The following TOX4 variants were observed in gnomAD, a reference collection of about 807,000 sequenced individuals.
TOX4 encodes the protein epidermal Langerhans cell protein LCP1.
Under a neutral mutation model 61.0 loss-of-function variants are expected in TOX4, and 12 were observed. The ratio of observed to expected loss-of-function variants is 0.20; its 90% CI spans 0.13 to 0.32. The LOEUF is 0.32. Ranked by LOEUF, TOX4 falls within the 10% of genes least tolerant of loss-of-function variation. The pLI is 1.00. For missense variants in TOX4, 499 were observed against 753.3 expected (o/e 0.66, Z 3.95); for synonymous variants, 268 against 274.8 (o/e 0.98, Z 0.24).
At position 21,492,638 on chromosome 14, in the gene TOX4, T is replaced by C; in HGVS notation, c.1022T>C (p.Ile341Thr). Residue 341 changes from isoleucine to threonine, a missense_variant, in exon 7 of 9, where the codon ATT becomes ACT. By Grantham distance (89) the Ile-to-Thr change is moderately conservative. Coordinates refer to ENST00000448790, the MANE Select transcript of TOX4 (RefSeq NM_014828.4). ...SIEPPALSPS[I>T]VVNSTLSSYV... ...GAGCCCCCTGCCCTGTCCCCATCCA[T>C]TGTTGTTAACTCCACCCTTTCATCC... 2 of 1,613,792 alleles carry C rather than the reference T, an allele frequency of 1.2e-6. No homozygotes were observed. The highest frequency in any genetic ancestry group is 1.7e-6 in the Non-Finnish European group (2 of 1,180,020).
At position 21,492,902 on chromosome 14, in the gene TOX4, C is replaced by G. The variant is rs1187808630; in HGVS notation, c.1286C>G (p.Ala429Gly). ...VTRSVLQAAA[A>G]AAAAASMQLP... ...CGGTCAGTGTTGCAGGCAGCAGCAG[C>G]TGCTGCTGCTGCTGCTTCTATGCAA... is the stretch of plus-strand genomic sequence containing the variant. The change falls in exon 7 of 9, where the codon GCT becomes GGT. Residue 429 changes from alanine to glycine, a missense_variant. By Grantham distance (60) the Ala-to-Gly change is moderately conservative (BLOSUM62 0). Coordinates refer to ENST00000448790, the MANE Select transcript of TOX4 (RefSeq NM_014828.4). 4 of 1,599,508 alleles carry G rather than the reference C, an allele frequency of 2.5e-6. No individual in the cohort carries two copies. Among genetic ancestry groups the G allele is most frequent in the South Asian group, 1.1e-5 (1 of 89,358 alleles).
In TOX4 at chr14:21,492,704, C is replaced by A; in HGVS notation, c.1088C>A (p.Pro363His). The A allele has an allele frequency of 6.2e-7, 1 of 1,614,064 alleles. No individual in the cohort carries two copies. Among genetic ancestry groups the A allele is most frequent in the Non-Finnish European group, 8.5e-7 (1 of 1,180,006 alleles). The change falls in exon 7 of 9, where the codon CCC becomes CAC. Residue 363 changes from proline to histidine, a missense_variant. This residue lies in a region of TOX4 where 296 missense variants were observed against 404.7 expected (regional missense o/e 0.73). Coordinates refer to ENST00000448790, the MANE Select transcript of TOX4 (RefSeq NM_014828.4). ...GCATCTTCTGGAGCTGGGGGTCAGC[C>A]CAATATCACCAAGTTGATTATTACC... The part of the protein sequence containing the change: ...NQASSGAGGQ[P>H]NITKLIITKQ...
rs1163748949 is a variant in TOX4 at position 21,492,916 on chromosome 14, G to GCTT, written c.1303_1305dup (p.Ser435dup). 9 of 1,608,110 alleles carry GCTT rather than the reference G, an allele frequency of 5.6e-6. No individual in the cohort carries two copies. The East Asian group carries it at 6.7e-5, about 12-fold the overall frequency. The stretch of plus-strand genomic sequence containing the variant: ...GGCAGCAGCAGCTGCTGCTGCTGCT[G>GCTT]CTTCTATGCAACTGCCTCCACCCCG... On this transcript the variant is annotated inframe_insertion, in exon 7 of 9. Transcript: ENST00000448790.
chr14:21,488,870 A>T lies in TOX4; in HGVS notation c.579+20A>T. 1 of 1,611,774 alleles carries T rather than the reference A, an allele frequency of 6.2e-7. No homozygotes were observed. The highest frequency in any genetic ancestry group is 8.5e-7 in the Non-Finnish European group (1 of 1,178,086). On this transcript the variant is annotated intron_variant, in intron 4 of 8. Coordinates refer to ENST00000448790, the MANE Select transcript of TOX4 (RefSeq NM_014828.4). ...CGGAGGGTGAGGCATTCCCTGTCAA[A>T]ATCAATTCTGCTGTGATAGTCTGGG...
At chr14:21,487,801 T>C in intron 3 of TOX4, 108 bp downstream of exon 3, 1 of 1,327,346 alleles carries the variant, frequency 7.5e-7, no homozygotes, top group Non-Finnish European at 9.9e-7. Context: ...GTTTCTCTTC[T>C]TGTGGCTAAA....
rs1891321589 is a variant in TOX4, at chr14:21,492,861, A to T, written c.1245A>T (p.Gln415His). 1 of 1,613,290 alleles carries T rather than the reference A, an allele frequency of 6.2e-7. No homozygotes were observed. The highest frequency in any genetic ancestry group is 8.5e-7 in the Non-Finnish European group (1 of 1,179,736). The part of the protein sequence containing the change: ...TSTATIQPSQ[Q>H]AQIVTRSVLQ... ...CAGCTACTATCCAGCCCAGTCAACA[A>T]GCCCAGATTGTCACTCGGTCAGTGT... Residue 415 changes from glutamine to histidine, a missense_variant, in exon 7 of 9, where the codon CAA becomes CAT. Physicochemically the swap from Gln to His is conservative, Grantham distance 24 (BLOSUM62 0). Transcript: ENST00000448790.
At chr14:21,477,430 G>A in intron 1 of TOX4, 66 bp from the exon 2 acceptor site, 1 of 1,610,672 alleles carries the variant, frequency 6.2e-7, no homozygotes. Flanking sequence ...AGGGTCAAAA[G>A]CCATCGCTCC....
intron 2 of TOX4, among the ~76,000 whole-genome samples, chr14:21,483,872 ATCTT>A (rs1250510393): frequency 2.0e-5 from 3 of 151,786 alleles, no homozygotes; most frequent in African/African-American, 7.3e-5. Context: ...CAGTGATGTG[ATCTT>A]GGCTCACTGC....
intron 2 of TOX4, among the ~76,000 whole-genome samples, chr14:21,477,826 T>C (rs1193710765): frequency 6.6e-6 from 1 of 152,058 alleles, no homozygotes; most frequent in Non-Finnish European, 1.5e-5. Flanking sequence ...GAAGACAGAG[T>C]GGAATTGTCT....
At chr14:21,486,885 A>G (rs185894955) in intron 2 of TOX4, among the ~76,000 whole-genome samples, 3 of 152,340 alleles carry the variant, frequency 2.0e-5, no homozygotes, top group African/African-American at 7.2e-5. Flanking sequence ...TGTTGTTAAC[A>G]TTATAATTTC....
intron 5 of TOX4, among the ~76,000 whole-genome samples, chr14:21,490,656 C>T (rs1235498916): frequency 6.6e-6 from 1 of 152,162 alleles, no homozygotes; most frequent in African/African-American, 2.4e-5. Flanking sequence ...GTACTTTCCA[C>T]TAATAATGTC....
At chr14:21,486,896 T>C (rs1330254924) in intron 2 of TOX4, among the ~76,000 whole-genome samples, 1 of 152,226 alleles carries the variant, frequency 6.6e-6, no homozygotes, top group Non-Finnish European at 1.5e-5. Context: ...TTATAATTTC[T>C]AAAGTGGAGA....
chr14:21,479,863 G>A lies in TOX4; in HGVS notation c.75+2299G>A, dbSNP rs147342593. Reference sequence around the variant, plus strand: ...GTGTTATAAATTTTACGTTGGCCTCGTTCATGAGAAAGTGCATTTTAAAAT... The same window carrying A: ...GTGTTATAAATTTTACGTTGGCCTCATTCATGAGAAAGTGCATTTTAAAAT... On this transcript the variant is annotated intron_variant, in intron 2 of 8. Transcript: ENST00000448790. Among the ~76,000 whole-genome samples, 594 of 152,220 alleles carry A rather than the reference G, an allele frequency of 3.9e-3. 4 individuals carry two copies. Among genetic ancestry groups the A allele is most frequent in the African/African-American group, 0.013 (558 of 41,530 alleles).
rs373063222 is a variant in TOX4 at position 21,477,300 on chromosome 14, C to A, written c.6+16C>A. 51 of 1,613,850 alleles carry A rather than the reference C, an allele frequency of 3.2e-5. No homozygotes were observed. Among genetic ancestry groups the A allele is most frequent in the Middle Eastern group, 3.3e-4 (2 of 6,078 alleles). Reference sequence around the variant, plus strand: ...GAAGATGGAGGTAGGAACCTGATAGCTAAGAAGGCTGGCGAGAGAACGCGG... The same window carrying A: ...GAAGATGGAGGTAGGAACCTGATAGATAAGAAGGCTGGCGAGAGAACGCGG... On this transcript the variant is annotated intron_variant, in intron 1 of 8. Transcript: ENST00000448790.
intron 7 of TOX4, 33 bp from the exon 8 acceptor site, chr14:21,495,196 T>G (rs1454827363): frequency 8.1e-6 from 13 of 1,608,842 alleles, no homozygotes; most frequent in Non-Finnish European, 1.1e-5. Flanking sequence ...GGGAGCAATC[T>G]AATCCACCTT....
At position 21,487,663 on chromosome 14, in the gene TOX4, C is replaced by CG; in HGVS notation, c.294dup (p.Leu99AlafsTer19). 3 of 1,613,168 alleles carry CG rather than the reference C, an allele frequency of 1.9e-6. No individual in the cohort carries two copies. Among genetic ancestry groups the CG allele is most frequent in the Non-Finnish European group, 2.5e-6 (3 of 1,179,342 alleles). ...TGACCCATGGCTTGATGGAGCAGGG[C>CG]GGGGGGCTCCTGAGTGGGGGCTTGA... On this transcript the variant is annotated frameshift_variant, in exon 3 of 9. Coordinates refer to ENST00000448790, the MANE Select transcript of TOX4 (RefSeq NM_014828.4). LOFTEE classifies it high-confidence loss of function.
intron 3 of TOX4, chr14:21,488,323 A>G: frequency 2.5e-6 from 1 of 398,216 alleles, no homozygotes; most frequent in East Asian, 4.7e-5. Context: ...TTACTGAATA[A>G]GTTGATAGCT....
rs1021247386 is a variant in TOX4 at position 21,492,561 on chromosome 14, T to C, written c.945T>C (p.Ser315=). The C allele has an allele frequency of 2.5e-6, 4 of 1,613,894 alleles. No homozygotes were observed. The highest frequency in any genetic ancestry group is 3.4e-6 in the Non-Finnish European group (4 of 1,180,016). ...CAGCACCACCATCACAAACTCCTTCTCCACCTCCTATGGCTACTGTTGACC... is the reference window on the plus strand; with the variant it reads ...CAGCACCACCATCACAAACTCCTTCCCCACCTCCTATGGCTACTGTTGACC... ...LDPAPPSQTP[S]PPPMATVDPA... Residue 315 remains serine, a synonymous_variant, in exon 7 of 9, where the codon TCT becomes TCC. Coordinates refer to ENST00000448790, the MANE Select transcript of TOX4 (RefSeq NM_014828.4).
Position 21,495,254 on chromosome 14 carries a change from T to C in TOX4, c.1667T>C (p.Val556Ala), listed in dbSNP as rs1566486529. Residue 556 changes from valine to alanine, a missense_variant, in exon 8 of 9, where the codon GTT becomes GCT. Val to Ala is a moderately conservative substitution (Grantham distance 64). Transcript: ENST00000448790. ...GTTGAGTCTCCTTCTCAGATGGATG[T>C]TGAATTGGTGAGTGGGTCTCCTGTG... ...PEVESPSQMD[V>A]ELVSGSPVAL... is the part of the protein sequence containing the mutation. 1.2e-6 allele frequency: 2 copies of C among 1,614,064 alleles called. No individual in the cohort carries two copies. Among genetic ancestry groups the C allele is most frequent in the East Asian group, 2.2e-5 (1 of 44,906 alleles).
Sources: gnomAD v4.1 joint callset for allele counts (sites outside exome capture counted in the v4.1 genomes callset) on GRCh38, gnomAD v4.1.1 for gene constraint, gnomAD v4.1.1 regional missense constraint, MANE v1.5 for transcripts, NCBI Gene and HGNC (gene_info 2026-07-23, HGNC 2026-07-21) for gene names.